DPY19L1: variants seen among roughly 807,000 people sequenced by gnomAD.
The protein encoded by DPY19L1 is protein C-mannosyl-transferase DPY19L1.
DPY19L1 carries 35 observed loss-of-function variants against 96.9 expected under a neutral mutation model. The ratio of observed to expected loss-of-function variants is 0.36; its 90% CI spans 0.28 to 0.48. DPY19L1 has a LOEUF of 0.48. Ranked by LOEUF, DPY19L1 falls within the 20% of genes least tolerant of loss-of-function variation. The pLI is 0.99. For missense variants in DPY19L1, 521 were observed against 777.9 expected (o/e 0.67, Z 3.93); for synonymous variants, 205 against 252.6 (o/e 0.81, Z 1.79).
chr7:34,991,227 T>C (rs1331967888), intron 6 of DPY19L1, among the ~76,000 whole-genome samples: 9 of 151,380 alleles, frequency 5.9e-5, no homozygotes, highest in African/African-American at 2.2e-4. Flanking sequence ...TTCAGGAGAG[T>C]GGTAACTGGG....
At chr7:34,968,470 C>G (rs13238452) in intron 9 of DPY19L1, among the ~76,000 whole-genome samples, 1 of 152,066 alleles carries the variant, frequency 6.6e-6, no homozygotes, top group Non-Finnish European at 1.5e-5. Flanking sequence ...GCAAGATGTT[C>G]TAAAAAATAT....
At chr7:34,948,202 C>T (rs1397071105) in intron 14 of DPY19L1, among the ~76,000 whole-genome samples, 2 of 152,082 alleles carry the variant, frequency 1.3e-5, no homozygotes, top group African/African-American at 4.8e-5. Context: ...AATAACAAAG[C>T]CCTACACATT....
At chr7:34,938,234 G>C in intron 20 of DPY19L1, 115 bp from the exon 21 acceptor site, 1 of 1,217,080 alleles carries the variant, frequency 8.2e-7, no homozygotes. Context: ...CCAGTCAGGA[G>C]GAAATTCCCC....
chr7:34,990,769 C>CGAGA (rs1785150000), intron 6 of DPY19L1, among the ~76,000 whole-genome samples: 1 of 152,206 alleles, frequency 6.6e-6, no homozygotes, highest in Admixed American at 6.5e-5. Context: ...GAGGTCTTCT[C>CGAGA]ACTCATTTTA....
intron 1 of DPY19L1, among the ~76,000 whole-genome samples, chr7:35,035,666 C>T (rs1786376034): frequency 6.6e-6 from 1 of 152,154 alleles, no homozygotes. Flanking sequence ...CATGTATCAC[C>T]CACACCTTTT....
chr7:35,013,065 A>G (rs1235865514), intron 4 of DPY19L1, among the ~76,000 whole-genome samples: 2 of 152,206 alleles, frequency 1.3e-5, no homozygotes, highest in African/African-American at 4.8e-5. Flanking sequence ...GGATAGTTCA[A>G]TATCTATCTG....
At chr7:34,939,555 C>A (rs1783951089) in intron 19 of DPY19L1, among the ~76,000 whole-genome samples, 180 bp from the exon 20 acceptor site, 1 of 152,208 alleles carries the variant, frequency 6.6e-6, no homozygotes, top group African/African-American at 2.4e-5. Flanking sequence ...AGTTGGCAGC[C>A]AGGCCTGGGT....
At position 34,958,011 on chromosome 7, in the gene DPY19L1, A is replaced by G. The variant is rs534086726; in HGVS notation, c.1152T>C (p.Tyr384=). ...MFGNSMLLTS[Y]YASSLVIIWG... ...AAATAATTACCAAAGAAGAAGCATA[A>G]TAAGAAGTTAATAACATTGAGTTCC... The change falls in exon 11 of 22, where the codon TAT becomes TAC. Residue 384 remains tyrosine, a synonymous_variant. Coordinates refer to ENST00000638088, the MANE Select transcript of DPY19L1 (RefSeq NM_001366673.1). 2.5e-6 allele frequency: 4 copies of G among 1,586,816 alleles called. No homozygotes were observed. The South Asian group carries it at 3.5e-5, about 14-fold the overall frequency.
intron 10 of DPY19L1, among the ~76,000 whole-genome samples, chr7:34,961,651 T>G (rs1784503731): frequency 6.6e-6 from 1 of 152,164 alleles, no homozygotes; most frequent in Admixed American, 6.5e-5. Flanking sequence ...TAAGCTGAAC[T>G]TCATTAAAAT....
intron 6 of DPY19L1, among the ~76,000 whole-genome samples, chr7:34,993,063 A>T (rs1029504140): frequency 6.6e-6 from 1 of 152,148 alleles, no homozygotes; most frequent in African/African-American, 2.4e-5. Flanking sequence ...GATCCTTTTG[A>T]TTATTTTAAG....
intron 3 of DPY19L1, 131 bp downstream of exon 3, chr7:35,017,751 G>T: frequency 2.0e-6 from 1 of 498,194 alleles, no homozygotes; most frequent in Admixed American, 4.0e-5. Flanking sequence ...AACTGGCTGT[G>T]GCTGTCAGCT....
At chr7:34,961,854 C>A (rs1229893263) in intron 10 of DPY19L1, among the ~76,000 whole-genome samples, 1 of 151,394 alleles carries the variant, frequency 6.6e-6, no homozygotes, top group Non-Finnish European at 1.5e-5. Context: ...ACACAGATGG[C>A]AAAAAAAAGT....
At chr7:34,953,231 C>T (rs562853548) in intron 13 of DPY19L1, among the ~76,000 whole-genome samples, 79 of 152,254 alleles carry the variant, frequency 5.2e-4, no homozygotes, top group African/African-American at 1.5e-3. Context: ...CCTTAATCAA[C>T]GTTACGTATT....
intron 14 of DPY19L1, among the ~76,000 whole-genome samples, chr7:34,948,323 T>C (rs1784195547): frequency 6.6e-6 from 1 of 152,204 alleles, no homozygotes; most frequent in Non-Finnish European, 1.5e-5. Context: ...AATAAGACTA[T>C]ATCATTTTGT....
chr7:34,969,426 A>C lies in DPY19L1; in HGVS notation c.1014+7T>G. ...GCTTAAAACAGCTTAAAATATAATC[A>C]CCTCACCTGAGTAAGAAGTACAAAC... On this transcript the variant is annotated splice_region_variant and intron_variant, in intron 9 of 21. Transcript: ENST00000638088. 6.8e-7 allele frequency: 1 copy of C among 1,468,464 alleles called. No individual in the cohort carries two copies. The highest frequency in any genetic ancestry group is 2.5e-5 in the East Asian group (1 of 39,718). 91.0% of individuals were successfully genotyped at this position (1,468,464 alleles called of 1,614,324 possible). A position where few individuals can be genotyped will look rare whatever the true frequency, so the allele number is the denominator to read the frequency against.
At chr7:34,954,495 A>G (rs1784332258) in intron 13 of DPY19L1, 1 of 333,758 alleles carries the variant, frequency 3.0e-6, no homozygotes, top group Non-Finnish European at 5.5e-6. Flanking sequence ...AAGGACCAAT[A>G]AAAAAAGAGA....
chr7:34,952,067 T>G (rs1253883419), intron 13 of DPY19L1, among the ~76,000 whole-genome samples: 1 of 104,994 alleles, frequency 9.5e-6, no homozygotes, highest in South Asian at 3.1e-4. Context: ...TACTAAACTT[T>G]CAAAAAAAAA....
Position 35,013,631 on chromosome 7 carries a change from A to C in DPY19L1, c.486T>G (p.Asn162Lys). The change falls in exon 4 of 22, where the codon AAT becomes AAG. Residue 162 changes from asparagine (N) to lysine (K), a missense_variant. Coordinates refer to ENST00000638088, the MANE Select transcript of DPY19L1 (RefSeq NM_001366673.1). ...CAAGGGGGTATTCAGTCAGTTTATC[A>C]TTCATAATCATCCATACTCCATTCA... ...SFLNGVWMIMNDKLTEYPLVI... is the reference protein window; with the variant it reads ...SFLNGVWMIMKDKLTEYPLVI... The C allele has an allele frequency of 1.2e-6, 2 of 1,608,844 alleles. No homozygotes were observed. Among genetic ancestry groups the C allele is most frequent in the Non-Finnish European group, 1.7e-6 (2 of 1,175,934 alleles).
At chr7:34,985,015 C>T (rs1380892236) in intron 7 of DPY19L1, among the ~76,000 whole-genome samples, 11 of 152,084 alleles carry the variant, frequency 7.2e-5, no homozygotes, top group Non-Finnish European at 1.6e-4. Flanking sequence ...AAGGGACTTT[C>T]TTTCTTACCA....
Sources: gnomAD v4.1 joint callset for allele counts (sites outside exome capture counted in the v4.1 genomes callset) on GRCh38, gnomAD v4.1.1 for gene constraint, MANE v1.5 for transcripts, NCBI Gene and HGNC (gene_info 2026-07-23, HGNC 2026-07-21) for gene names.